Variants in ODAD4 observed in about 807,000 individuals in gnomAD.
ODAD4 encodes outer dynein arm docking complex subunit 4.
In ODAD4, 49 loss-of-function variants were observed where a neutral mutation model predicts 51.8. The ratio of observed to expected loss-of-function variants is 0.95; its 90% CI spans 0.75 to 1.20. ODAD4 has a LOEUF of 1.20. Among genes scored for constraint, ODAD4 ranks in the 50% most tolerant of loss-of-function variants. The probability of loss-of-function intolerance (pLI) is 0.00; values close to 1 mark genes in which losing one functional copy is unlikely to be tolerated. For synonymous variants in ODAD4, 235 were observed against 221.3 expected (o/e 1.06, Z -0.55); for missense variants, 590 against 586.5 (o/e 1.01, Z -0.06).
At chr17:41,960,402 C>G (rs2050788922) in intron 10 of ODAD4, among the ~76,000 whole-genome samples, 2 of 152,088 alleles carry the variant, frequency 1.3e-5, no homozygotes, top group Non-Finnish European at 1.5e-5. Context: ...GAGCTGAGAT[C>G]GTGCCACTGC....
chr17:41,964,263 G>T (rs1468768516), intron 11 of ODAD4, among the ~76,000 whole-genome samples: 1 of 151,648 alleles, frequency 6.6e-6, no homozygotes, highest in Non-Finnish European at 1.5e-5. Flanking sequence ...GTTTCACCTT[G>T]TTGGCCAGGC....
In ODAD4 at chr17:41,959,391, G is replaced by A. The variant is rs73309716; in HGVS notation, c.1444-1991G>A. ...AAGTAAACGGGGCCCCTGTCCTTGG[G>A]GAGCTTATGCCATCATTGAAAGAAG... On this transcript the variant is annotated intron_variant, in intron 10 of 11. Transcript: ENST00000377540. Among the ~76,000 whole-genome samples the A allele has an allele frequency of 5.7e-3, 872 of 152,308 alleles. 6 individuals carry two copies. Among genetic ancestry groups the A allele is most frequent in the African/African-American group, 0.02 (842 of 41,574 alleles).
At chr17:41,948,394 G>A (rs989343595) in intron 8 of ODAD4, among the ~76,000 whole-genome samples, 5 of 148,258 alleles carry the variant, frequency 3.4e-5, no homozygotes, top group Non-Finnish European at 7.4e-5. Flanking sequence ...ATAGCTCACT[G>A]CAATTTCAAC....
intron 5 of ODAD4, 48 bp from the exon 6 acceptor site, chr17:41,938,509 C>A: frequency 2.6e-6 from 4 of 1,528,926 alleles, no homozygotes; most frequent in Non-Finnish European, 3.6e-6. Context: ...AGGCAAATCC[C>A]TTAGAGGCCT....
intron 7 of ODAD4, among the ~76,000 whole-genome samples, chr17:41,941,374 G>A (rs539493997): frequency 5.5e-4 from 84 of 152,302 alleles, no homozygotes; most frequent in African/African-American, 1.9e-3. Context: ...AGAGCTCTGT[G>A]CATATCCTCC....
chr17:41,938,551 C>G lies in ODAD4; in HGVS notation c.626-6C>G. On this transcript the variant is annotated splice_region_variant and splice_polypyrimidine_tract_variant and intron_variant, in intron 5 of 11. Transcript: ENST00000377540. ...CTTGGCGCCTCCTCACACCCCTTCC[C>G]CACAGACCTGATCAAAGGCACCATG... 1 of 1,613,238 alleles carries G rather than the reference C, an allele frequency of 6.2e-7. No homozygotes were observed. The highest frequency in any genetic ancestry group is 8.5e-7 in the Non-Finnish European group (1 of 1,179,470).
At chr17:41,955,416 C>CTGTTTTTTT (rs1651409892) in intron 10 of ODAD4, 99 bp downstream of exon 10, 1 of 649,498 alleles carries the variant, frequency 1.5e-6, no homozygotes, top group Admixed American at 2.4e-5. Context: ...ATTCCACAGC[C>CTGTTTTTTT]GTTTTTTTGT....
At chr17:41,951,090 C>CTTT (rs1357997882) in intron 9 of ODAD4, among the ~76,000 whole-genome samples, 1 of 145,618 alleles carries the variant, frequency 6.9e-6, no homozygotes, top group Non-Finnish European at 1.5e-5. Context: ...AAATTTTCTT[C>CTTT]TTTTTTTTTT....
chr17:41,956,221 G>C (rs2050731068), intron 10 of ODAD4, among the ~76,000 whole-genome samples: 1 of 151,616 alleles, frequency 6.6e-6, no homozygotes, highest in Non-Finnish European at 1.5e-5. Flanking sequence ...GCTAATTTTT[G>C]TATTTTTAGT....
At chr17:41,963,198 C>A (rs1026244259) in intron 11 of ODAD4, among the ~76,000 whole-genome samples, 6 of 152,122 alleles carry the variant, frequency 3.9e-5, no homozygotes, top group Non-Finnish European at 7.4e-5. Context: ...GGCTGTGACC[C>A]CCTGAGACCT....
intron 8 of ODAD4, 149 bp from the exon 9 acceptor site, chr17:41,949,004 T>C (rs1010692952): frequency 2.5e-6 from 1 of 394,720 alleles, no homozygotes; most frequent in African/African-American, 2.1e-5. Flanking sequence ...TAAAATATCT[T>C]TATGCTTATG....
intron 9 of ODAD4, chr17:41,952,719 A>C: frequency 5.9e-6 from 3 of 508,480 alleles, no homozygotes; most frequent in Non-Finnish European, 1.2e-5. Context: ...ATTTCCTTTA[A>C]GTGTAATAGC....
chr17:41,958,447 G>A (rs2050761463), intron 10 of ODAD4, among the ~76,000 whole-genome samples: 1 of 151,952 alleles, frequency 6.6e-6, no homozygotes, highest in African/African-American at 2.4e-5. Flanking sequence ...GATCACCTGA[G>A]GTCAGGAGTT....
intron 11 of ODAD4, among the ~76,000 whole-genome samples, chr17:41,962,514 C>T (rs1379666417): frequency 4.6e-5 from 7 of 152,152 alleles, no homozygotes; most frequent in African/African-American, 7.2e-5. Context: ...GCGCAGTAGC[C>T]GACCCCCATT....
At chr17:41,962,135 G>C (rs1427311957) in intron 11 of ODAD4, among the ~76,000 whole-genome samples, 1 of 152,178 alleles carries the variant, frequency 6.6e-6, no homozygotes, top group African/African-American at 2.4e-5. Context: ...GAGTGATCTT[G>C]TTGGGTCTTT....
At chr17:41,947,563 G>A (rs1265346960) in intron 8 of ODAD4, among the ~76,000 whole-genome samples, 3 of 151,608 alleles carry the variant, frequency 2.0e-5, no homozygotes, top group East Asian at 2.0e-4. Flanking sequence ...TTGGGAGGCC[G>A]AGGTGGGCGG....
intron 10 of ODAD4, among the ~76,000 whole-genome samples, chr17:41,960,142 G>T (rs1232031651): frequency 1.3e-5 from 2 of 151,540 alleles, no homozygotes; most frequent in Non-Finnish European, 2.9e-5. Context: ...AAGCTCAAAT[G>T]TGTGCGGCCA....
chr17:41,952,539 C>T (rs1555640293), intron 9 of ODAD4: 2 of 203,670 alleles, frequency 9.8e-6, no homozygotes, highest in Non-Finnish European at 1.9e-5. Flanking sequence ...GACCCTCACT[C>T]CAAAAAAAAA....
intron 9 of ODAD4, among the ~76,000 whole-genome samples, chr17:41,949,721 G>A (rs2050629568): frequency 6.6e-6 from 1 of 152,102 alleles, no homozygotes. Flanking sequence ...TGCCCAGGCT[G>A]GAGTGCAGTG....
Sources: allele counts gnomAD v4.1 joint callset (sites outside exome capture counted in the v4.1 genomes callset), GRCh38; gene constraint gnomAD v4.1.1; transcripts MANE v1.5; gene names NCBI Gene and HGNC (gene_info 2026-07-23, HGNC 2026-07-21).